The following KRT86 variants were observed in gnomAD, a reference collection of about 807,000 sequenced individuals.
KRT86 encodes the protein keratin 86.
KRT86 carries 30 observed loss-of-function variants against 41.2 expected under a neutral mutation model. The ratio of observed to expected loss-of-function variants is 0.73; its 90% CI spans 0.54 to 0.99. The LOEUF is 0.99. Ranked by LOEUF, KRT86 falls within the 50% of genes least tolerant of loss-of-function variation. The pLI, the probability that KRT86 is intolerant of heterozygous loss-of-function variation, is 0.00. For missense variants in KRT86, 561 were observed against 571.4 expected (o/e 0.98, Z 0.19); for synonymous variants, 238 against 238.1 (o/e 1.00, Z 0.00).
chr12:52,294,371 G>A (rs1477230981), intron 2 of KRT86, among the ~76,000 whole-genome samples: 1 of 152,158 alleles, frequency 6.6e-6, no homozygotes, highest in Non-Finnish European at 1.5e-5. Flanking sequence ...AAATTCAAAT[G>A]TGACACCATT....
intron 2 of KRT86, chr12:52,291,106 G>A: frequency 1.3e-6 from 1 of 740,748 alleles, no homozygotes; most frequent in Non-Finnish European, 2.0e-6. Context: ...CCTTGTCGAT[G>A]AAGGCCGCGA....
Position 52,288,441 on chromosome 12 carries a change from A to C in KRT86, c.-5+12495A>C, listed in dbSNP as rs776509779. The C allele has an allele frequency of 1.9e-5, 31 of 1,614,002 alleles. No homozygotes were observed. Among genetic ancestry groups the C allele is most frequent in the Non-Finnish European group, 2.5e-6 (3 of 1,180,020 alleles). ...GCCTCCAGGTCTGACTTGCGGAGGT[A>C]GGCGCAGTCCACATCCTGGAAAGGT... is the stretch of plus-strand genomic sequence containing the variant. On this transcript the variant is annotated intron_variant, in intron 2 of 10. Transcript: ENST00000423955.
intron 2 of KRT86, among the ~76,000 whole-genome samples, chr12:52,276,421 C>T (rs1360111688): frequency 6.6e-6 from 1 of 152,146 alleles, no homozygotes; most frequent in African/African-American, 2.4e-5. Context: ...TCTTCACATG[C>T]GGTATAGGCT....
At chr12:52,281,536 G>A (rs1313134458) in intron 2 of KRT86, among the ~76,000 whole-genome samples, 1 of 152,134 alleles carries the variant, frequency 6.6e-6, no homozygotes, top group African/African-American at 2.4e-5. Flanking sequence ...GAAGTCTCTT[G>A]TGGAGTCTAA....
intron 2 of KRT86, among the ~76,000 whole-genome samples, chr12:52,298,881 A>C (rs1157547922): frequency 6.6e-6 from 1 of 152,212 alleles, no homozygotes; most frequent in Non-Finnish European, 1.5e-5. Context: ...TGAGATAAGC[A>C]TAAACTGTGT....
chr12:52,282,437 T>C (rs10876264), intron 2 of KRT86, among the ~76,000 whole-genome samples: 40,263 of 151,892 alleles, frequency 0.27, 6,023 homozygotes, highest in East Asian at 0.4. Flanking sequence ...GATGTTTCTC[T>C]GTGTTAGCCA....
chr12:52,297,106 A>G (rs538836301), intron 2 of KRT86, among the ~76,000 whole-genome samples: 12 of 152,296 alleles, frequency 7.9e-5, no homozygotes, highest in African/African-American at 2.9e-4. Flanking sequence ...AAATGCTTCC[A>G]TGCACATCTT....
chr12:52,287,008 C>G (rs1044307771), intron 2 of KRT86: 1 of 1,606,028 alleles, frequency 6.2e-7, no homozygotes, highest in Non-Finnish European at 8.5e-7. Context: ...ATTTTTTTCC[C>G]CCAGAGCCCT....
At position 52,302,039 on chromosome 12, in the gene KRT86, C is replaced by T. The variant is rs781658784; in HGVS notation, c.123C>T (p.Leu41=). 3.1e-6 allele frequency: 5 copies of T among 1,609,092 alleles called. No homozygotes were observed. In the South Asian group the frequency reaches 5.5e-5, roughly 18 times the overall value. ...GTGGCATCTCCTGCTACCGCGGCCT[C>T]ACCGGGGGCTTCGGCAGCCACAGCG... The part of the protein sequence containing the change: ...PYRGISCYRG[L]TGGFGSHSVC... The change falls in exon 3 of 11, where the codon CTC becomes CTT. Residue 41 remains leucine, a synonymous_variant. Coordinates refer to ENST00000423955, the MANE Select transcript of KRT86 (RefSeq NM_001320198.2).
chr12:52,291,994 C>T (rs1938141748), intron 2 of KRT86, among the ~76,000 whole-genome samples: 1 of 152,176 alleles, frequency 6.6e-6, no homozygotes, highest in Non-Finnish European at 1.5e-5. Context: ...GGCTAAAGTG[C>T]TCCTGAAACA....
At chr12:52,291,552 C>T in intron 2 of KRT86, 2 of 1,561,476 alleles carry the variant, frequency 1.3e-6, no homozygotes, top group Non-Finnish European at 1.7e-6. Flanking sequence ...CAGGGCACCG[C>T]AGCCCTATTT....
intron 2 of KRT86, chr12:52,291,586 G>T: frequency 6.8e-7 from 1 of 1,462,622 alleles, no homozygotes; most frequent in Non-Finnish European, 9.3e-7. Flanking sequence ...GAAGGGGCTT[G>T]GCTGTGAAGA....
chr12:52,307,199 C>G (rs1938538665), intron 9 of KRT86: 1 of 152,206 alleles, frequency 6.6e-6, no homozygotes, highest in African/African-American at 2.4e-5. Flanking sequence ...TTCCACCAAA[C>G]TCGAGTTGTT....
rs762990164 is a variant in KRT86 at position 52,306,038 on chromosome 12, TTGTTCTCTC to T, written c.1027-13_1027-5del. On this transcript the variant is annotated splice_polypyrimidine_tract_variant and intron_variant, in intron 8 of 10. Coordinates refer to ENST00000423955, the MANE Select transcript of KRT86 (RefSeq NM_001320198.2). ...AGAGACCCAGGGACTCTAATCTACC[TTGTTCTCTC>T]TGTTCTCTTCAGAATTCCAAGCTGG... 1 of 1,613,492 alleles carries T rather than the reference TTGTTCTCTC, an allele frequency of 6.2e-7. No homozygotes were observed. Among genetic ancestry groups the T allele is most frequent in the South Asian group, 1.1e-5 (1 of 91,046 alleles).
At chr12:52,283,019 C>T (rs980664243) in intron 2 of KRT86, among the ~76,000 whole-genome samples, 1 of 152,174 alleles carries the variant, frequency 6.6e-6, no homozygotes, top group Non-Finnish European at 1.5e-5. Flanking sequence ...ATACAAACAA[C>T]ATGCGCATAC....
Position 52,302,005 on chromosome 12 carries a change from C to T in KRT86, c.89C>T (p.Ala30Val). 2 of 1,612,334 alleles carry T rather than the reference C, an allele frequency of 1.2e-6. No homozygotes were observed. Among genetic ancestry groups the T allele is most frequent in the Non-Finnish European group, 1.7e-6 (2 of 1,179,216 alleles). Reference sequence around the variant, plus strand: ...CCCGGCCGCTGCTGCATCACCGCCGCCCCCTACCGTGGCATCTCCTGCTAC... The same window carrying T: ...CCCGGCCGCTGCTGCATCACCGCCGTCCCCTACCGTGGCATCTCCTGCTAC... The part of the protein sequence containing the change: ...PRPGRCCITA[A>V]PYRGISCYRG... Residue 30 changes from alanine to valine, a missense_variant, in exon 3 of 11, where the codon GCC becomes GTC. Physicochemically the swap from Ala to Val is moderately conservative, Grantham distance 64. Coordinates refer to ENST00000423955, the MANE Select transcript of KRT86 (RefSeq NM_001320198.2).
At chr12:52,280,298 G>A (rs903238110) in intron 2 of KRT86, among the ~76,000 whole-genome samples, 4 of 152,272 alleles carry the variant, frequency 2.6e-5, no homozygotes, top group South Asian at 2.1e-4. Flanking sequence ...TTTGGTGGTC[G>A]GAAGATAGAG....
intron 2 of KRT86, chr12:52,288,113 G>A: frequency 6.2e-7 from 1 of 1,614,160 alleles, no homozygotes; most frequent in East Asian, 2.2e-5. Context: ...CAACCACGGA[G>A]GTGTCTGAGA....
At chr12:52,286,224 T>A (rs3657) in intron 2 of KRT86, 1 of 1,535,834 alleles carries the variant, frequency 6.5e-7, no homozygotes, top group South Asian at 1.2e-5. Flanking sequence ...GCAGGAAAGA[T>A]GCCTGGGGCC....
Sources: gnomAD v4.1 joint callset for allele counts (sites outside exome capture counted in the v4.1 genomes callset) on GRCh38, gnomAD v4.1.1 for gene constraint, MANE v1.5 for transcripts, NCBI Gene and HGNC (gene_info 2026-07-23, HGNC 2026-07-21) for gene names.